KRABD5: variants seen among roughly 807,000 people sequenced by gnomAD.
KRABD5 encodes KRAB domain-containing protein 5.
At chr16:31,713,296 A>G in the KRABD5 span, 3 of 1,237,966 alleles carry the variant, frequency 2.4e-6, no homozygotes, top group Admixed American at 4.1e-5. Flanking sequence ...TCTCTTCACC[A>G]GGGGCTCCCA....
the KRABD5 span, among the ~76,000 whole-genome samples, chr16:31,732,272 C>T: frequency 6.6e-6 from 1 of 152,186 alleles, no homozygotes; most frequent in Non-Finnish European, 1.5e-5. Flanking sequence ...GGCATGGCTG[C>T]CACATTATGT....
At chr16:31,718,063 T>C in the KRABD5 span, among the ~76,000 whole-genome samples, 1 of 152,084 alleles carries the variant, frequency 6.6e-6, no homozygotes, top group Non-Finnish European at 1.5e-5. Flanking sequence ...ACACATGCAT[T>C]GAGTAGGCCT....
the KRABD5 span, among the ~76,000 whole-genome samples, chr16:31,732,940 G>A: frequency 6.6e-6 from 1 of 151,980 alleles, no homozygotes; most frequent in Non-Finnish European, 1.5e-5. Flanking sequence ...TATCTATGAT[G>A]TATTTATTAT....
chr16:31,725,659 T>C, the KRABD5 span, among the ~76,000 whole-genome samples: 4 of 152,330 alleles, frequency 2.6e-5, 1 homozygote, highest in African/African-American at 9.6e-5. Flanking sequence ...TGATATCTCA[T>C]TGTGTTATCT....
At chr16:31,732,342 T>C in the KRABD5 span, among the ~76,000 whole-genome samples, 92,468 of 152,082 alleles carry the variant, frequency 0.61, 29,122 homozygotes, top group Middle Eastern at 0.73. Context: ...TCTAATCTTG[T>C]ATGTTTCCCT....
the KRABD5 span, among the ~76,000 whole-genome samples, chr16:31,720,593 A>C: frequency 6.6e-6 from 1 of 152,180 alleles, no homozygotes; most frequent in South Asian, 2.1e-4. Context: ...TTATACCCAG[A>C]CTATGATTTA....
At chr16:31,716,820 A>G in the KRABD5 span, among the ~76,000 whole-genome samples, 6 of 152,186 alleles carry the variant, frequency 3.9e-5, no homozygotes, top group African/African-American at 1.4e-4. Context: ...AATACAAATT[A>G]AAAATATGAG....
the KRABD5 span, among the ~76,000 whole-genome samples, chr16:31,733,932 T>C: frequency 6.6e-6 from 1 of 152,218 alleles, no homozygotes; most frequent in African/African-American, 2.4e-5. Flanking sequence ...TAGTACCATG[T>C]GTATGTTCTT....
At chr16:31,757,531 G>C in the KRABD5 span, 22 of 152,266 alleles carry the variant, frequency 1.4e-4, no homozygotes, top group African/African-American at 5.3e-4. Flanking sequence ...GGGGATAAAA[G>C]GTCTGCATCT....
At chr16:31,713,459 C>T in the KRABD5 span, 3 of 1,600,390 alleles carry the variant, frequency 1.9e-6, no homozygotes, top group Non-Finnish European at 2.6e-6. Flanking sequence ...GTCGGGGGTC[C>T]CCAGAAGAGG....
the KRABD5 span, among the ~76,000 whole-genome samples, chr16:31,731,324 A>G: frequency 3.3e-5 from 5 of 151,978 alleles, no homozygotes; most frequent in African/African-American, 1.2e-4. Context: ...CTAGCAGGGC[A>G]TAGATAGTCA....
At chr16:31,755,632 C>G in the KRABD5 span, 2 of 484,850 alleles carry the variant, frequency 4.1e-6, no homozygotes. Context: ...GAGAGAAACC[C>G]TACAAATGTA....
chr16:31,733,404 G>A, the KRABD5 span: 1 of 415,844 alleles, frequency 2.4e-6, no homozygotes, highest in Non-Finnish European at 4.8e-6. Context: ...ATTTTTAATG[G>A]TGAAAACATA....
the KRABD5 span, among the ~76,000 whole-genome samples, chr16:31,726,961 C>T: frequency 6.6e-6 from 1 of 152,120 alleles, no homozygotes; most frequent in Non-Finnish European, 1.5e-5. Flanking sequence ...TTGTATTCAT[C>T]ACTGTCTTAC....
chr16:31,754,233 A>G, the KRABD5 span: 68 of 654,102 alleles, frequency 1.0e-4, no homozygotes, highest in Non-Finnish European at 1.7e-4. Context: ...GGTGATTTCT[A>G]AATATGATCA....
chr16:31,741,906 A>G, the KRABD5 span, among the ~76,000 whole-genome samples: 1 of 152,226 alleles, frequency 6.6e-6, no homozygotes, highest in South Asian at 2.1e-4. Flanking sequence ...ATTTTCTTCT[A>G]GTATTTTTAT....
chr16:31,725,876 G>A, the KRABD5 span, among the ~76,000 whole-genome samples: 7 of 152,288 alleles, frequency 4.6e-5, no homozygotes, highest in East Asian at 5.8e-4. Context: ...TATGAAACTC[G>A]TATCAGATAT....
At chr16:31,714,492 G>T in the KRABD5 span, 475 of 451,500 alleles carry the variant, frequency 1.1e-3, 4 homozygotes, top group African/African-American at 8.6e-3. Context: ...TGCTATCCTG[G>T]GGTAGGTTTT....
chr16:31,750,471 C>A, the KRABD5 span, among the ~76,000 whole-genome samples: 1 of 152,120 alleles, frequency 6.6e-6, no homozygotes, highest in African/African-American at 2.4e-5. Context: ...ATCATATGAG[C>A]AGAGATGATG....
Sources: allele counts gnomAD v4.1 joint callset (sites outside exome capture counted in the v4.1 genomes callset), GRCh38; gene constraint gnomAD v4.1.1; transcripts MANE v1.5; gene names NCBI Gene and HGNC (gene_info 2026-07-23, HGNC 2026-07-21).